Variants in PRKN observed in about 807,000 individuals in gnomAD.
PRKN encodes E3 ubiquitin-protein ligase parkin.
In PRKN, 56 loss-of-function variants were observed where a neutral mutation model predicts 59.5. The observed-to-expected ratio is 0.94, with a 90% CI of 0.76 to 1.18. The LOEUF (loss-of-function observed/expected upper bound fraction) is 1.18, where lower values mean the gene tolerates loss of function less well. PRKN is among the 50% of genes most tolerant of loss of function. PRKN has a pLI of 0.00. For missense variants in PRKN, 657 were observed against 596.4 expected, an observed-to-expected ratio of 1.10 and a Z score of -1.06; for synonymous variants, 250 against 222.1, an observed-to-expected ratio of 1.13 and a Z score of -1.12.
intron 3 of PRKN, among the ~76,000 whole-genome samples, chr6:162,242,904 T>A (rs1779042530): frequency 6.6e-6 from 1 of 152,098 alleles, no homozygotes. Flanking sequence ...ATTCAACACT[T>A]ACATTTACAT....
chr6:162,716,786 G>GCACACA (rs67307025), intron 1 of PRKN, among the ~76,000 whole-genome samples: 12,352 of 148,778 alleles, frequency 0.083, 632 homozygotes, highest in Middle Eastern at 0.14. Context: ...ACACACACGC[G>GCACACA]CACACACACA....
At chr6:161,861,185 C>A (rs771767094) in intron 6 of PRKN, among the ~76,000 whole-genome samples, 2 of 152,102 alleles carry the variant, frequency 1.3e-5, no homozygotes, top group Non-Finnish European at 1.5e-5. Context: ...AAATGCCCAT[C>A]AATGATAGAC....
chr6:161,990,103 C>T lies in PRKN; in HGVS notation c.619-16686G>A, dbSNP rs557742659. Among the ~76,000 whole-genome samples, 89 of 152,320 alleles carry T rather than the reference C, an allele frequency of 5.8e-4. 2 individuals carry two copies. In the South Asian group the frequency reaches 0.018, roughly 31 times the overall value. ...CTGCCCTCCCAGCCCACTGCCACCACTGCCAGCACATAAGCAGACTATCTG... is the reference window on the plus strand; with the variant it reads ...CTGCCCTCCCAGCCCACTGCCACCATTGCCAGCACATAAGCAGACTATCTG... On this transcript the variant is annotated intron_variant, in intron 5 of 11. Transcript: ENST00000366898.
intron 4 of PRKN, among the ~76,000 whole-genome samples, chr6:162,069,526 C>T (rs1024315338): frequency 4.6e-5 from 7 of 152,160 alleles, no homozygotes; most frequent in African/African-American, 1.7e-4. Flanking sequence ...ATATGTTACA[C>T]AAACAGAAAC....
At chr6:161,568,858 A>T (rs887568677) in intron 8 of PRKN, among the ~76,000 whole-genome samples, 6 of 152,154 alleles carry the variant, frequency 3.9e-5, no homozygotes, top group Non-Finnish European at 8.8e-5. Flanking sequence ...ACAACACAGC[A>T]TTTAAATAAT....
At chr6:161,771,367 AAAAAT>A (rs1279611219) in intron 7 of PRKN, among the ~76,000 whole-genome samples, 1 of 82,744 alleles carries the variant, frequency 1.2e-5, no homozygotes, top group Non-Finnish European at 2.7e-5. Context: ...AAAAAAAAAA[AAAAAT>A]AAAATAAAAT....
intron 4 of PRKN, among the ~76,000 whole-genome samples, chr6:162,103,033 ACT>A (rs775568067): frequency 1.3e-4 from 19 of 144,002 alleles, no homozygotes; most frequent in Non-Finnish European, 2.4e-4. Context: ...AAAGAGCGAG[ACT>A]CTGTCTCAAA....
chr6:161,510,199 A>G (rs1488458630), intron 9 of PRKN, among the ~76,000 whole-genome samples: 1 of 152,248 alleles, frequency 6.6e-6, no homozygotes, highest in Non-Finnish European at 1.5e-5. Context: ...CTCTCTAATG[A>G]TGAAATTCCA....
At position 161,562,841 on chromosome 6, in the gene PRKN, G is replaced by A. The variant is rs1780507901; in HGVS notation, c.933+6514C>T. 6.6e-6 allele frequency among the ~76,000 whole-genome samples: 1 copy of A among 152,184 alleles called. No homozygotes were observed. The highest frequency in any genetic ancestry group is 1.5e-5 in the Non-Finnish European group (1 of 68,034). The stretch of plus-strand genomic sequence containing the variant: ...CCAGAGCCTCTCCATATTGCAACAA[G>A]ATTGACATACTCAAAATGTAATTTG... On this transcript the variant is annotated intron_variant, in intron 8 of 11. Transcript: ENST00000366898. This position sits in a 1 kb window ranked among gnomAD's most constrained non-coding sequence, Gnocchi z 4.3.
chr6:162,379,958 G>T (rs932066316), intron 2 of PRKN, among the ~76,000 whole-genome samples: 12 of 152,108 alleles, frequency 7.9e-5, no homozygotes, highest in Non-Finnish European at 1.8e-4. Flanking sequence ...ACAGCGTTTG[G>T]AAGCTTTAAT....
chr6:162,282,995 T>TC (rs200432212), intron 2 of PRKN, among the ~76,000 whole-genome samples: 13 of 136,060 alleles, frequency 9.6e-5, no homozygotes, highest in South Asian at 5.0e-4. Context: ...TCTCTCTCTC[T>TC]TTTTTTTTTT....
At chr6:161,905,047 C>A (rs747722060) in intron 6 of PRKN, among the ~76,000 whole-genome samples, 34 of 152,156 alleles carry the variant, frequency 2.2e-4, no homozygotes, top group Non-Finnish European at 3.5e-4. Flanking sequence ...TGGTCCCCAC[C>A]TTGAATATCC....
At chr6:162,565,404 C>T (rs528723250) in intron 1 of PRKN, among the ~76,000 whole-genome samples, 4 of 152,106 alleles carry the variant, frequency 2.6e-5, no homozygotes, top group South Asian at 4.1e-4. Context: ...TAACATTGGC[C>T]GGGAGCGGTG....
At chr6:162,259,417 T>G (rs1320013548) in intron 3 of PRKN, among the ~76,000 whole-genome samples, 1 of 152,178 alleles carries the variant, frequency 6.6e-6, no homozygotes, top group African/African-American at 2.4e-5. Context: ...TACATCAAAA[T>G]TTCTGGTCAC....
intron 4 of PRKN, among the ~76,000 whole-genome samples, chr6:162,134,809 G>A (rs1367928087): frequency 6.6e-6 from 1 of 152,118 alleles, no homozygotes; most frequent in African/African-American, 2.4e-5. Flanking sequence ...CATTCTTCTG[G>A]TAAGTAATTA....
intron 7 of PRKN, among the ~76,000 whole-genome samples, chr6:161,580,326 C>A (rs1781286450): frequency 6.6e-6 from 1 of 152,164 alleles, no homozygotes; most frequent in African/African-American, 2.4e-5. Flanking sequence ...AAGTGTTCAA[C>A]CAGGTGCCTC....
intron 4 of PRKN, among the ~76,000 whole-genome samples, chr6:162,191,228 A>T (rs531278401): frequency 7.8e-4 from 119 of 152,072 alleles, no homozygotes; most frequent in Non-Finnish European, 1.4e-3. Flanking sequence ...TAGGAATCCG[A>T]TTTTTTTTGG....
chr6:162,528,369 G>T (rs1404633915), intron 1 of PRKN, among the ~76,000 whole-genome samples: 1 of 151,470 alleles, frequency 6.6e-6, no homozygotes, highest in African/African-American at 2.4e-5. Flanking sequence ...GAAGTACAAG[G>T]CAGGACTCAA....
intron 1 of PRKN, among the ~76,000 whole-genome samples, chr6:162,449,010 C>T (rs1790458539): frequency 2.0e-5 from 3 of 152,046 alleles, no homozygotes; most frequent in Non-Finnish European, 2.9e-5. Flanking sequence ...GCCTCAGCCT[C>T]CCGAGTACCT....
Sources: gnomAD v4.1 joint callset for allele counts (sites outside exome capture counted in the v4.1 genomes callset) on GRCh38, gnomAD v4.1.1 for gene constraint, Gnocchi (gnomAD v3.1) non-coding constraint, MANE v1.5 for transcripts, NCBI Gene and HGNC (gene_info 2026-07-23, HGNC 2026-07-21) for gene names.